The following ZFHX3 variants were observed in gnomAD, a reference collection of about 807,000 sequenced individuals.
ZFHX3 encodes zinc finger homeobox 3.
In ZFHX3, 42 loss-of-function variants were observed where a neutral mutation model predicts 279.1. The ratio of observed to expected loss-of-function variants is 0.15; its 90% CI spans 0.12 to 0.19. The LOEUF (loss-of-function observed/expected upper bound fraction) is 0.19. Ranked by LOEUF, ZFHX3 falls within the 10% of genes least tolerant of loss-of-function variation. The probability of loss-of-function intolerance (pLI) is 1.00; values close to 1 mark genes in which losing one functional copy is unlikely to be tolerated. For missense variants in ZFHX3, 4,981 were observed against 4,754.0 expected, an observed-to-expected ratio of 1.05 and a Z score of -1.40; for synonymous variants, 2,293 against 1,957.8, an observed-to-expected ratio of 1.17 and a Z score of -4.52.
At chr16:73,413,914 A>G (rs2017519130) in intron 3 of ZFHX3, among the ~76,000 whole-genome samples, 1 of 152,268 alleles carries the variant, frequency 6.6e-6, no homozygotes, top group Non-Finnish European at 1.5e-5. Flanking sequence ...TATTAGAATG[A>G]AGGATACTTT....
In ZFHX3 at chr16:73,857,331, A is replaced by T. The variant is rs1961759347; in HGVS notation, c.-1608+34320T>A. 3.3e-5 allele frequency among the ~76,000 whole-genome samples: 5 copies of T among 152,218 alleles called. 1 individual carries two copies. Among genetic ancestry groups the T allele is most frequent in the Admixed American group, 6.5e-5 (1 of 15,288 alleles). ...TTACAGTTTGGAGAATAAATGAGTA[A>T]AGATGGCATCTAAATGCACTTTTCC... On this transcript the variant is annotated intron_variant, in intron 1 of 17. Coordinates refer to the ZFHX3 transcript ENST00000641206.
intron 1 of ZFHX3, among the ~76,000 whole-genome samples, chr16:73,842,133 T>C (rs1485473737): frequency 1.3e-5 from 2 of 151,828 alleles, no homozygotes; most frequent in Non-Finnish European, 1.5e-5. Flanking sequence ...GGAGAATCAC[T>C]TGAATCTGGG....
chr16:73,257,807 G>A (rs2013701790), intron 4 of ZFHX3, among the ~76,000 whole-genome samples: 1 of 152,204 alleles, frequency 6.6e-6, no homozygotes, highest in East Asian at 1.9e-4. Flanking sequence ...AACCTTACAG[G>A]TTGGTTATAC....
chr16:73,201,190 CAA>C (rs999250188), intron 5 of ZFHX3, among the ~76,000 whole-genome samples: 20 of 152,146 alleles, frequency 1.3e-4, no homozygotes, highest in African/African-American at 4.6e-4. Context: ...AAACCATTGG[CAA>C]TGGGGGGGCT....
At chr16:73,328,496 G>A (rs998842932) in intron 3 of ZFHX3, among the ~76,000 whole-genome samples, 38 of 152,154 alleles carry the variant, frequency 2.5e-4, no homozygotes, top group Non-Finnish European at 4.6e-4. Flanking sequence ...AATGAGGCAC[G>A]TTTAATTCTT....
chr16:73,797,894 A>C (rs978945096), intron 1 of ZFHX3, among the ~76,000 whole-genome samples: 2 of 142,596 alleles, frequency 1.4e-5, no homozygotes, highest in Non-Finnish European at 3.0e-5. Context: ...GGCTCACTCA[A>C]CCTCTTTCTC....
At chr16:73,541,786 CTTT>C (rs546761843) in intron 2 of ZFHX3, among the ~76,000 whole-genome samples, 85 of 88,126 alleles carry the variant, frequency 9.6e-4, no homozygotes, top group African/African-American at 1.0e-3. Flanking sequence ...TGGTGGTTCT[CTTT>C]TTTTTTTTTT....
At chr16:72,964,899 A>G (rs1387390568) in intron 1 of ZFHX3, among the ~76,000 whole-genome samples, 1 of 152,104 alleles carries the variant, frequency 6.6e-6, no homozygotes, top group Non-Finnish European at 1.5e-5. Context: ...CTATGCTTTC[A>G]GGCAGTTTTC....
intron 2 of ZFHX3, among the ~76,000 whole-genome samples, chr16:73,477,155 A>G (rs188475741): frequency 1.3e-5 from 2 of 152,384 alleles, no homozygotes; most frequent in African/African-American, 4.8e-5. Context: ...CCCACCTGCT[A>G]CAGATTCACA....
intron 7 of ZFHX3, among the ~76,000 whole-genome samples, chr16:73,115,482 C>T (rs994372516): frequency 7.9e-5 from 12 of 151,366 alleles, no homozygotes; most frequent in Admixed American, 3.3e-4. Context: ...CCTGGGAGGT[C>T]GAGGCTGCAG....
intron 2 of ZFHX3, among the ~76,000 whole-genome samples, chr16:73,631,927 T>TCTCTCTCTCTCTCACACA (rs1437204921): frequency 1.5e-5 from 2 of 136,726 alleles, no homozygotes; most frequent in African/African-American, 5.8e-5. Flanking sequence ...TCTCTCTCTC[T>TCTCTCTCTCTCTCACACA]CACACACACA....
intron 3 of ZFHX3, among the ~76,000 whole-genome samples, chr16:73,422,581 G>C (rs137933372): frequency 6.6e-6 from 1 of 152,142 alleles, no homozygotes; most frequent in African/African-American, 2.4e-5. Flanking sequence ...ACTTCCCAGA[G>C]GTCAGTGGCC....
rs748123031 is a variant in ZFHX3 at position 72,959,933 on chromosome 16, G to C, written c.213C>G (p.Pro71=). ...TGACCTCCTTGCTGGCGGGCTCGGAGGGGGGCCCGGCCGACGCGGTGCTCT... is the reference window on the plus strand; with the variant it reads ...TGACCTCCTTGCTGGCGGGCTCGGACGGGGGCCCGGCCGACGCGGTGCTCT... The part of the protein sequence containing the change: ...LAESTASAGP[P]SEPASKEVTC... Residue 71 remains proline (P), a synonymous_variant, in exon 2 of 10, where the codon CCC becomes CCG. Transcript: ENST00000268489. 5.0e-6 allele frequency: 8 copies of C among 1,595,806 alleles called. No individual in the cohort carries two copies. The highest frequency in any genetic ancestry group is 1.7e-5 in the Admixed American group (1 of 58,314).
intron 1 of ZFHX3, among the ~76,000 whole-genome samples, chr16:72,969,809 A>G (rs886982608): frequency 6.6e-6 from 1 of 152,202 alleles, no homozygotes; most frequent in African/African-American, 2.4e-5. Flanking sequence ...GCTGCTGCAC[A>G]GAAGTCAATA....
chr16:73,382,431 C>T (rs147128201), intron 3 of ZFHX3, among the ~76,000 whole-genome samples: 18 of 152,254 alleles, frequency 1.2e-4, no homozygotes, highest in African/African-American at 4.3e-4. Context: ...AACAACCCAA[C>T]AGAAAAATGA....
intron 4 of ZFHX3, among the ~76,000 whole-genome samples, chr16:73,315,149 A>G (rs962763525): frequency 1.3e-5 from 2 of 151,680 alleles, no homozygotes; most frequent in Non-Finnish European, 1.5e-5. Flanking sequence ...AAGCGCTTGA[A>G]CCTGGGAGTT....
In ZFHX3 at chr16:72,797,522, T is replaced by G. The variant is rs374866698; in HGVS notation, c.5160A>C (p.Ala1720=). 14 of 1,613,888 alleles carry G rather than the reference T, an allele frequency of 8.7e-6. No individual in the cohort carries two copies. The African/African-American group carries it at 9.3e-5, about 11-fold the overall frequency. ...ANRKKLADMI[A]SRQQQQQQQQ... ...GCTGCTGTTGTTGCTGCTGCCTGGA[T>G]GCAATCATATCTGCCAGTTTCTTCC... The change falls in exon 9 of 10, where the codon GCA becomes GCC. Residue 1720 remains alanine (A), a synonymous_variant. Transcript: ENST00000268489.
intron 4 of ZFHX3, chr16:73,293,882 C>T (rs2014835348): frequency 1.4e-5 from 2 of 147,730 alleles, no homozygotes. Flanking sequence ...GGGTCATTGG[C>T]AAGAACTTCC....
intron 3 of ZFHX3, among the ~76,000 whole-genome samples, chr16:73,388,501 T>C (rs16971898): frequency 0.13 from 19,888 of 152,166 alleles, 2,403 homozygotes; most frequent in African/African-American, 0.3. Flanking sequence ...TAGCCGCTTT[T>C]GAAATATCCT....
Sources: gnomAD v4.1 joint callset for allele counts (sites outside exome capture counted in the v4.1 genomes callset) on GRCh38, gnomAD v4.1.1 for gene constraint, MANE v1.5 for transcripts, NCBI Gene and HGNC (gene_info 2026-07-23, HGNC 2026-07-21) for gene names.